CLVS1: variants seen among roughly 807,000 people sequenced by gnomAD.
CLVS1 encodes clavesin-1.
Under a neutral mutation model 33.1 loss-of-function variants are expected in CLVS1, and 10 were observed. That is an observed-to-expected ratio of 0.30 (90% CI 0.19 to 0.51). The LOEUF is 0.51. Ranked by LOEUF, CLVS1 falls within the 20% of genes least tolerant of loss-of-function variation. The probability of loss-of-function intolerance (pLI) is 0.97; values close to 1 mark genes in which losing one functional copy is unlikely to be tolerated. For synonymous variants in CLVS1, 163 were observed against 166.1 expected (o/e 0.98, Z 0.14); for missense variants, 343 against 433.4 (o/e 0.79, Z 1.85).
intron 1 of CLVS1, among the ~76,000 whole-genome samples, chr8:61,108,112 A>G (rs1438553405): frequency 1.3e-5 from 2 of 151,836 alleles, no homozygotes; most frequent in Non-Finnish European, 1.5e-5. Flanking sequence ...TACTAAAAAT[A>G]CAAAAAAATT....
chr8:61,151,161 G>A (rs150381702), intron 2 of CLVS1, among the ~76,000 whole-genome samples: 2 of 152,350 alleles, frequency 1.3e-5, no homozygotes, highest in African/African-American at 4.8e-5. Context: ...GAGGGGAAGA[G>A]AGGTGAGAGC....
At chr8:61,156,074 C>T (rs35741212) in intron 2 of CLVS1, among the ~76,000 whole-genome samples, 61,184 of 151,878 alleles carry the variant, frequency 0.4, 15,279 homozygotes, top group Middle Eastern at 0.65. Context: ...ATTAGCTGGG[C>T]GTGGTGGTGG....
At chr8:61,363,483 C>T (rs1992331) in intron 2 of CLVS1, among the ~76,000 whole-genome samples, 73,209 of 151,892 alleles carry the variant, frequency 0.48, 17,870 homozygotes, top group East Asian at 0.64. Flanking sequence ...AGTGATAATT[C>T]GGGATGTAAT....
chr8:61,089,758 A>C (rs1303412582), intron 1 of CLVS1, among the ~76,000 whole-genome samples: 1 of 151,902 alleles, frequency 6.6e-6, no homozygotes, highest in African/African-American at 2.4e-5. Context: ...TATCTCTACA[A>C]AAAAATAAAA....
chr8:61,255,316 G>A (rs915024854), intron 2 of CLVS1, among the ~76,000 whole-genome samples: 6 of 152,172 alleles, frequency 3.9e-5, no homozygotes, highest in Admixed American at 2.6e-4. Flanking sequence ...GATCTTTTGA[G>A]AGAATTCTGG....
chr8:61,057,366 TCACACACACACACACACACACACA>T (rs61415501), intron 1 of CLVS1: 433 of 139,954 alleles, frequency 3.1e-3, no homozygotes, highest in African/African-American at 8.7e-3. Flanking sequence ...TTAGCACACT[TCACACACACACACACACACACACA>T]CACACACACA....
At chr8:61,187,728 A>G (rs998022073) in intron 2 of CLVS1, among the ~76,000 whole-genome samples, 5 of 151,258 alleles carry the variant, frequency 3.3e-5, no homozygotes, top group Admixed American at 2.6e-4. Context: ...AAATGAATAT[A>G]TTAAATATAT....
At chr8:61,276,142 G>A (rs1222199286) in intron 2 of CLVS1, among the ~76,000 whole-genome samples, 1 of 152,188 alleles carries the variant, frequency 6.6e-6, no homozygotes, top group African/African-American at 2.4e-5. Context: ...TAAGCCATTA[G>A]CAATCAGCAG....
chr8:61,339,875 GA>G lies in CLVS1; in HGVS notation c.456-36727del, dbSNP rs1020621373. Among the ~76,000 whole-genome samples the G allele has an allele frequency of 2.8e-4, 42 of 148,388 alleles. 1 individual carries two copies. The highest frequency in any genetic ancestry group is 9.5e-4 in the Admixed American group (14 of 14,736). On this transcript the variant is annotated intron_variant, in intron 2 of 5. Coordinates refer to ENST00000325897, the MANE Select transcript of CLVS1 (RefSeq NM_173519.3). ...AAAAGAAATAGAAAAAAGAAATAGA[GA>G]AAGAGAAGGAGGGAGGGAGAAAGGG...
At chr8:61,019,958 A>T in the CLVS1 span, among the ~76,000 whole-genome samples, 1 of 152,152 alleles carries the variant, frequency 6.6e-6, no homozygotes, top group Non-Finnish European at 1.5e-5. Context: ...GTTCATTTAG[A>T]GTAGAGGCCA....
intron 2 of CLVS1, among the ~76,000 whole-genome samples, chr8:61,361,466 A>G (rs1405448055): frequency 6.6e-6 from 1 of 152,200 alleles, no homozygotes; most frequent in Non-Finnish European, 1.5e-5. Flanking sequence ...ACCTCAAAGG[A>G]CATTCTCCAA....
intron 1 of CLVS1, among the ~76,000 whole-genome samples, chr8:61,064,536 C>CT (rs1563389429): frequency 3.8e-4 from 54 of 141,442 alleles, no homozygotes; most frequent in Middle Eastern, 7.6e-3. Flanking sequence ...GTTCTTTGCC[C>CT]ATTTTTTTTT....
chr8:61,153,410 C>G (rs1806582513), intron 2 of CLVS1, among the ~76,000 whole-genome samples: 1 of 152,122 alleles, frequency 6.6e-6, no homozygotes, highest in African/African-American at 2.4e-5. Context: ...CTTTGGAGGC[C>G]TTGTGAAAAT....
intron 2 of CLVS1, among the ~76,000 whole-genome samples, chr8:61,168,472 C>T (rs1035112333): frequency 6.6e-6 from 1 of 151,832 alleles, no homozygotes; most frequent in Non-Finnish European, 1.5e-5. Flanking sequence ...TATGATTTAT[C>T]TTTGGTAGCA....
At chr8:61,483,535 C>T (rs1428412844) in intron 5 of CLVS1, among the ~76,000 whole-genome samples, 1 of 152,216 alleles carries the variant, frequency 6.6e-6, no homozygotes, top group African/African-American at 2.4e-5. Context: ...TGGTACCACT[C>T]CTTCTGAAAC....
At chr8:61,202,786 G>A (rs368496530) in intron 2 of CLVS1, 106 of 1,473,340 alleles carry the variant, frequency 7.2e-5, no homozygotes, top group Middle Eastern at 2.4e-4. Context: ...ATCTGCCCTC[G>A]GAGGTAGTAG....
chr8:61,274,628 C>A (rs1809528396), intron 2 of CLVS1, among the ~76,000 whole-genome samples: 1 of 152,066 alleles, frequency 6.6e-6, no homozygotes, highest in Non-Finnish European at 1.5e-5. Flanking sequence ...TTCATCACAC[C>A]AAGATTGATG....
intron 2 of CLVS1, among the ~76,000 whole-genome samples, chr8:61,353,511 G>A (rs1249091216): frequency 6.6e-6 from 1 of 151,642 alleles, no homozygotes; most frequent in East Asian, 1.9e-4. Flanking sequence ...CAAAAAAGAA[G>A]CCTCAAAGGA....
the CLVS1 span, among the ~76,000 whole-genome samples, chr8:61,039,896 C>T: frequency 6.6e-6 from 1 of 152,180 alleles, no homozygotes; most frequent in Admixed American, 6.5e-5. Flanking sequence ...GTTACATGAG[C>T]ATATTGCATG....
Sources: gnomAD v4.1 joint callset for allele counts (sites outside exome capture counted in the v4.1 genomes callset) on GRCh38, gnomAD v4.1.1 for gene constraint, MANE v1.5 for transcripts, NCBI Gene and HGNC (gene_info 2026-07-23, HGNC 2026-07-21) for gene names.